Variants in DNAH9 observed in about 807,000 individuals in gnomAD.
The protein encoded by DNAH9 is dynein axonemal heavy chain 9, also known as DNAH9 variant protein.
In DNAH9, 345 loss-of-function variants were observed where a neutral mutation model predicts 471.6. The ratio of observed to expected loss-of-function variants is 0.73; its 90% CI spans 0.67 to 0.80. The LOEUF (loss-of-function observed/expected upper bound fraction) is 0.80. Ranked by LOEUF, DNAH9 falls within the 30% of genes least tolerant of loss-of-function variation. DNAH9 has a pLI of 0.00. For synonymous variants in DNAH9, 2,093 were observed against 2,123.6 expected (o/e 0.99, Z 0.40); for missense variants, 5,407 against 5,609.2 (o/e 0.96, Z 1.15).
intron 41 of DNAH9, among the ~76,000 whole-genome samples, chr17:11,792,573 A>G (rs1969103000): frequency 6.6e-6 from 1 of 152,200 alleles, no homozygotes; most frequent in Admixed American, 6.5e-5. Context: ...TGACAGAGAA[A>G]TTTGAAAAGA....
chr17:11,657,925 A>C (rs770593341), intron 14 of DNAH9, among the ~76,000 whole-genome samples: 1 of 152,044 alleles, frequency 6.6e-6, no homozygotes, highest in Admixed American at 6.5e-5. Context: ...ATTGATTATC[A>C]GTAAGTCTGA....
intron 30 of DNAH9, among the ~76,000 whole-genome samples, chr17:11,743,833 AT>A (rs113809412): frequency 0.33 from 47,440 of 142,672 alleles, 7,552 homozygotes; most frequent in African/African-American, 0.4. Flanking sequence ...CCTTGGCTGC[AT>A]TTTTTTTTTT....
intron 55 of DNAH9, chr17:11,883,030 G>A: frequency 1.0e-6 from 1 of 986,124 alleles, no homozygotes; most frequent in Non-Finnish European, 1.2e-6. Context: ...TAGTGCTTTA[G>A]GATATGGAGC....
chr17:11,858,683 CCTT>C (rs1254773744), intron 50 of DNAH9, among the ~76,000 whole-genome samples: 2 of 152,138 alleles, frequency 1.3e-5, no homozygotes, highest in African/African-American at 4.8e-5. Context: ...AGGCAGTTGA[CCTT>C]CTGCTAGCTA....
chr17:11,656,506 C>T (rs575789567), intron 14 of DNAH9, among the ~76,000 whole-genome samples: 61 of 152,230 alleles, frequency 4.0e-4, no homozygotes, highest in African/African-American at 1.4e-3. Flanking sequence ...TGATATCATG[C>T]GTAACGTTTA....
chr17:11,653,036 G>T (rs765219951), intron 14 of DNAH9, 34 bp downstream of exon 14: 2 of 1,604,182 alleles, frequency 1.2e-6, no homozygotes, highest in South Asian at 1.1e-5. Context: ...CACATACTAC[G>T]AGTTTAGGGA....
intron 59 of DNAH9, among the ~76,000 whole-genome samples, chr17:11,896,020 G>A (rs1973206177): frequency 6.6e-6 from 1 of 152,154 alleles, no homozygotes; most frequent in Non-Finnish European, 1.5e-5. Flanking sequence ...CTTTAGGACT[G>A]TATCTAAATC....
chr17:11,629,368 GAT>G (rs1323589179), intron 6 of DNAH9, 47 bp from the exon 7 acceptor site: 2 of 1,547,404 alleles, frequency 1.3e-6, no homozygotes, highest in African/African-American at 2.7e-5. Flanking sequence ...TTGTCCTTGC[GAT>G]AGTTTGCTGA....
At chr17:11,917,878 C>T (rs1597824331) in intron 61 of DNAH9, among the ~76,000 whole-genome samples, 1 of 152,132 alleles carries the variant, frequency 6.6e-6, no homozygotes, top group East Asian at 1.9e-4. Flanking sequence ...TGCCCTGATG[C>T]CGGCATCTTC....
chr17:11,628,506 C>T (rs1230957738), intron 6 of DNAH9, among the ~76,000 whole-genome samples: 1 of 152,340 alleles, frequency 6.6e-6, no homozygotes, highest in Middle Eastern at 3.4e-3. Flanking sequence ...AAGTGCAGCA[C>T]AGAGCTGGTA....
At chr17:11,779,108 C>T (rs1157648623) in intron 38 of DNAH9, among the ~76,000 whole-genome samples, 1 of 152,132 alleles carries the variant, frequency 6.6e-6, no homozygotes, top group African/African-American at 2.4e-5. Context: ...TGACACGGGT[C>T]TGTGTGGCCA....
At chr17:11,959,185 T>C (rs1272523899) in intron 67 of DNAH9, among the ~76,000 whole-genome samples, 3 of 152,304 alleles carry the variant, frequency 2.0e-5, no homozygotes, top group African/African-American at 7.2e-5. Context: ...GCCTGCTTTC[T>C]CTCTAAGTTT....
At chr17:11,610,302 T>C in intron 2 of DNAH9, 94 bp from the exon 3 acceptor site, 1 of 980,754 alleles carries the variant, frequency 1.0e-6, no homozygotes. Flanking sequence ...TTTTTTAAAT[T>C]TGGGATTCTG....
chr17:11,866,732 C>T (rs2150982297), intron 50 of DNAH9, among the ~76,000 whole-genome samples: 1 of 152,366 alleles, frequency 6.6e-6, no homozygotes, highest in African/African-American at 2.4e-5. Flanking sequence ...TGGCGGGCGC[C>T]CCTCCCCCAG....
chr17:11,701,636 C>T (rs1305513718), intron 24 of DNAH9, among the ~76,000 whole-genome samples: 1 of 152,156 alleles, frequency 6.6e-6, no homozygotes, highest in Non-Finnish European at 1.5e-5. Context: ...AACTGAACTG[C>T]TGACACATAT....
At chr17:11,818,533 A>C (rs11868213) in intron 45 of DNAH9, among the ~76,000 whole-genome samples, 7,525 of 152,230 alleles carry the variant, frequency 0.049, 621 homozygotes, top group African/African-American at 0.17. Context: ...TCAGTTACAG[A>C]AGAAGGTAAA....
intron 57 of DNAH9, among the ~76,000 whole-genome samples, chr17:11,890,230 GA>G (rs1229770041): frequency 2.0e-5 from 3 of 152,014 alleles, no homozygotes; most frequent in African/African-American, 7.2e-5. Context: ...AACTGTTCTG[GA>G]ATCTTCCCAA....
chr17:11,746,938 C>A (rs1966904343), intron 31 of DNAH9, among the ~76,000 whole-genome samples: 1 of 151,736 alleles, frequency 6.6e-6, no homozygotes, highest in Admixed American at 6.6e-5. Context: ...TTGTGAGATT[C>A]AAAAAAATCA....
chr17:11,869,048 C>A, intron 50 of DNAH9, 86 bp from the exon 51 acceptor site: 7 of 1,508,364 alleles, frequency 4.6e-6, no homozygotes, highest in Non-Finnish European at 5.4e-6. Context: ...CCTTCAGAAC[C>A]ACCTCCATGT....
Sources: gnomAD v4.1 joint callset for allele counts (sites outside exome capture counted in the v4.1 genomes callset) on GRCh38, gnomAD v4.1.1 for gene constraint, MANE v1.5 for transcripts, NCBI Gene and HGNC (gene_info 2026-07-23, HGNC 2026-07-21) for gene names.